GRM1: variants seen among roughly 807,000 people sequenced by gnomAD.
GRM1 encodes metabotropic glutamate receptor 1.
A neutral mutation model predicts 90.9 loss-of-function variants in GRM1; 33 were observed. That is an observed-to-expected ratio of 0.36 (90% CI 0.28 to 0.49). GRM1 has a LOEUF of 0.49. Ranked by LOEUF, GRM1 falls within the 20% of genes least tolerant of loss-of-function variation. The pLI is 0.99. For synonymous variants in GRM1, 700 were observed against 613.2 expected (o/e 1.14, Z -2.09); for missense variants, 1,190 against 1,534.3 (o/e 0.78, Z 3.75).
chr6:146,234,534 T>C (rs1039465068), intron 2 of GRM1, among the ~76,000 whole-genome samples: 10 of 152,078 alleles, frequency 6.6e-5, no homozygotes, highest in African/African-American at 2.2e-4. Flanking sequence ...TTAATGAAAA[T>C]ATGCCTTCCA....
chr6:146,244,850 A>G (rs2114744188), intron 2 of GRM1, among the ~76,000 whole-genome samples: 1 of 152,304 alleles, frequency 6.6e-6, no homozygotes, highest in African/African-American at 2.4e-5. Flanking sequence ...TGCAGCCGTG[A>G]ATTCACTAAT....
intron 1 of GRM1, among the ~76,000 whole-genome samples, chr6:146,106,890 C>T (rs756301270): frequency 1.8e-4 from 27 of 152,226 alleles, no homozygotes; most frequent in Non-Finnish European, 2.8e-4. Flanking sequence ...ACAGAGTGAG[C>T]TCTCAGTAAT....
intron 2 of GRM1, among the ~76,000 whole-genome samples, chr6:146,189,311 C>T (rs2206517): frequency 0.25 from 37,383 of 152,018 alleles, 7,973 homozygotes; most frequent in African/African-American, 0.58. Context: ...TGTGGCATTC[C>T]CACCAGCTTT....
intron 2 of GRM1, among the ~76,000 whole-genome samples, chr6:146,169,331 A>G (rs1778018368): frequency 6.6e-6 from 1 of 152,116 alleles, no homozygotes; most frequent in African/African-American, 2.4e-5. Flanking sequence ...GGGATATATA[A>G]AAACATATTT....
chr6:146,272,226 T>C (rs886765707), intron 2 of GRM1, among the ~76,000 whole-genome samples: 1 of 152,244 alleles, frequency 6.6e-6, no homozygotes, highest in Non-Finnish European at 1.5e-5. Context: ...GGGATTCTTT[T>C]GAGCTCATCA....
intron 5 of GRM1, among the ~76,000 whole-genome samples, chr6:146,379,848 T>C (rs1776252620): frequency 6.6e-6 from 1 of 152,096 alleles, no homozygotes; most frequent in South Asian, 2.1e-4. Context: ...CTTGATTGTC[T>C]TGGACAAGAT....
At chr6:146,304,894 C>G (rs1783521180) in intron 3 of GRM1, 48 bp downstream of exon 3, 2 of 1,276,818 alleles carry the variant, frequency 1.6e-6, no homozygotes, top group Admixed American at 1.7e-5. Flanking sequence ...GTCATCTCTT[C>G]TAGATTTATT....
intron 2 of GRM1, among the ~76,000 whole-genome samples, chr6:146,170,327 A>G (rs1445514146): frequency 6.6e-6 from 1 of 152,092 alleles, no homozygotes; most frequent in African/African-American, 2.4e-5. Context: ...AAAGTTTTCA[A>G]CCATTATTGC....
chr6:146,187,584 C>G (rs1778779116), intron 2 of GRM1, among the ~76,000 whole-genome samples: 1 of 151,672 alleles, frequency 6.6e-6, no homozygotes, highest in African/African-American at 2.4e-5. Context: ...TCTATGGTAC[C>G]CATCAATGCA....
At chr6:146,207,166 G>C (rs868139406) in intron 2 of GRM1, among the ~76,000 whole-genome samples, 16 of 152,090 alleles carry the variant, frequency 1.1e-4, no homozygotes, top group Non-Finnish European at 2.4e-4. Flanking sequence ...ATTCCTGTGG[G>C]TATATACCCA....
chr6:146,114,563 GTATAT>G (rs2128874971), intron 1 of GRM1, among the ~76,000 whole-genome samples: 1 of 152,250 alleles, frequency 6.6e-6, no homozygotes, highest in South Asian at 2.1e-4. Context: ...TCACTCAGTT[GTATAT>G]TATGAGGCCT....
At chr6:146,293,310 A>G (rs1010687965) in intron 2 of GRM1, among the ~76,000 whole-genome samples, 1 of 151,980 alleles carries the variant, frequency 6.6e-6, no homozygotes, top group Non-Finnish European at 1.5e-5. Flanking sequence ...AATAATTTTT[A>G]AAAAAACAAT....
chr6:146,164,147 A>G (rs1412202579), intron 2 of GRM1, among the ~76,000 whole-genome samples: 3 of 152,144 alleles, frequency 2.0e-5, no homozygotes, highest in East Asian at 1.9e-4. Context: ...AAAAATAGCT[A>G]CCATTTATTG....
chr6:146,323,806 A>G (rs1390781377), intron 3 of GRM1, among the ~76,000 whole-genome samples: 7 of 152,314 alleles, frequency 4.6e-5, no homozygotes, highest in South Asian at 2.1e-4. Flanking sequence ...AGCTTTCTAC[A>G]TATGGCTAGC....
intron 1 of GRM1, among the ~76,000 whole-genome samples, chr6:146,061,386 C>T (rs1048635164): frequency 3.3e-5 from 5 of 152,050 alleles, no homozygotes; most frequent in African/African-American, 1.2e-4. Flanking sequence ...TGTGTTTGCA[C>T]ATTGATTTAT....
intron 1 of GRM1, among the ~76,000 whole-genome samples, chr6:146,077,852 AG>A (rs1306030801): frequency 6.6e-6 from 1 of 152,170 alleles, no homozygotes; most frequent in East Asian, 1.9e-4. Context: ...TTGGTCTAAG[AG>A]GTCAAGACAG....
At chr6:146,072,735 G>A (rs532841545) in intron 1 of GRM1, among the ~76,000 whole-genome samples, 6 of 152,136 alleles carry the variant, frequency 3.9e-5, no homozygotes, top group Admixed American at 3.9e-4. Context: ...TAATTATAAA[G>A]CAAAAGACAA....
At chr6:146,164,476 T>C (rs1777840610) in intron 2 of GRM1, among the ~76,000 whole-genome samples, 1 of 152,178 alleles carries the variant, frequency 6.6e-6, no homozygotes, top group South Asian at 2.1e-4. Context: ...AGAGAGCATG[T>C]AGCCTCATTA....
At chr6:146,356,515 T>C (rs1447641121) in intron 4 of GRM1, among the ~76,000 whole-genome samples, 1 of 152,166 alleles carries the variant, frequency 6.6e-6, no homozygotes, top group Non-Finnish European at 1.5e-5. Flanking sequence ...CCCTTCCTCC[T>C]AATACCATCA....
Sources: allele counts gnomAD v4.1 joint callset (sites outside exome capture counted in the v4.1 genomes callset), GRCh38; gene constraint gnomAD v4.1.1; transcripts MANE v1.5; gene names NCBI Gene and HGNC (gene_info 2026-07-23, HGNC 2026-07-21).